The following AMPH variants were observed in gnomAD, a reference collection of about 807,000 sequenced individuals.
AMPH encodes the protein amphiphysin.
In AMPH, 49 loss-of-function variants were observed where a neutral mutation model predicts 99.1. The ratio of observed to expected loss-of-function variants is 0.49; its 90% CI spans 0.39 to 0.63. The LOEUF is 0.63. Among genes scored for constraint, AMPH ranks in the 20% least tolerant of loss-of-function variants. The pLI, the probability that AMPH is intolerant of heterozygous loss-of-function variation, is 0.00. For synonymous variants in AMPH, 314 were observed against 317.3 expected (o/e 0.99, Z 0.11); for missense variants, 759 against 863.4 (o/e 0.88, Z 1.52).
At chr7:38,409,171 A>G (rs1785143622) in intron 17 of AMPH, among the ~76,000 whole-genome samples, 2 of 152,202 alleles carry the variant, frequency 1.3e-5, no homozygotes, top group South Asian at 4.1e-4. Context: ...ACTCATGGGG[A>G]AAAGTAACAA....
rs139097138 is a variant in AMPH, at chr7:38,600,572, A to G, written c.69+30711T>C. 2.6e-3 allele frequency among the ~76,000 whole-genome samples: 390 copies of G among 152,304 alleles called. 1 individual carries two copies. Among genetic ancestry groups the G allele is most frequent in the African/African-American group, 9.1e-3 (379 of 41,572 alleles). ...AGATTATTACTTACTGATTGGCTAC[A>G]CTTTTATGTTGAACCATAGGAAAAT... is the stretch of plus-strand genomic sequence containing the variant. On this transcript the variant is annotated intron_variant, in intron 1 of 20. Transcript: ENST00000356264.
Position 38,485,538 on chromosome 7 carries a change from A to G in AMPH, c.396+5512T>C, listed in dbSNP as rs75142985. Among the ~76,000 whole-genome samples the G allele has an allele frequency of 1.9e-4, 29 of 152,134 alleles. No homozygotes were observed. In the East Asian group the frequency reaches 5.4e-3, roughly 28 times the overall value. ...ACCTTAATACCCCTCTTTCAATTATAGATAGAACCACAATTTCAATTACAA... is the reference window on the plus strand; with the variant it reads ...ACCTTAATACCCCTCTTTCAATTATGGATAGAACCACAATTTCAATTACAA... On this transcript the variant is annotated intron_variant, in intron 5 of 20. Coordinates refer to ENST00000356264, the MANE Select transcript of AMPH (RefSeq NM_001635.4).
At chr7:38,565,723 T>C (rs1173193834) in intron 1 of AMPH, among the ~76,000 whole-genome samples, 3 of 150,884 alleles carry the variant, frequency 2.0e-5, no homozygotes, top group African/African-American at 7.3e-5. Context: ...GGTGGGGAGG[T>C]CACAATTCCC....
chr7:38,422,272 A>G, intron 16 of AMPH, 149 bp downstream of exon 16: 1 of 664,676 alleles, frequency 1.5e-6, no homozygotes, highest in South Asian at 2.0e-5. Flanking sequence ...GAGGTTTTAC[A>G]GACACATTCT....
intron 1 of AMPH, among the ~76,000 whole-genome samples, chr7:38,546,782 G>A (rs1791010872): frequency 6.6e-6 from 1 of 152,220 alleles, no homozygotes; most frequent in African/African-American, 2.4e-5. Flanking sequence ...AGTAAAACGT[G>A]ATACTGGAAT....
chr7:38,456,494 T>G (rs1362724911), intron 11 of AMPH, among the ~76,000 whole-genome samples: 2 of 152,192 alleles, frequency 1.3e-5, no homozygotes. Flanking sequence ...CTACCACTGT[T>G]GGCACCTGAA....
At chr7:38,561,633 G>C (rs990415880) in intron 1 of AMPH, among the ~76,000 whole-genome samples, 3 of 152,172 alleles carry the variant, frequency 2.0e-5, no homozygotes, top group Non-Finnish European at 2.9e-5. Flanking sequence ...GATGAAGGAG[G>C]GTGCTGAGAA....
At chr7:38,582,974 T>C (rs1792519404) in intron 1 of AMPH, among the ~76,000 whole-genome samples, 1 of 152,236 alleles carries the variant, frequency 6.6e-6, no homozygotes, top group Non-Finnish European at 1.5e-5. Context: ...AGGGGAAATT[T>C]AGTTTAGAAT....
chr7:38,393,998 C>T lies in AMPH; in HGVS notation c.1608+7G>A, dbSNP rs777331746. The stretch of plus-strand genomic sequence containing the variant: ...GAGCTCCCCTGGCTGCGACATGGGA[C>T]ACTCACCTGAGGCACTGTTGCTTCG... On this transcript the variant is annotated splice_region_variant and intron_variant, in intron 18 of 20. Transcript: ENST00000356264. The T allele has an allele frequency of 6.2e-7, 1 of 1,614,186 alleles. No individual in the cohort carries two copies. Among genetic ancestry groups the T allele is most frequent in the South Asian group, 1.1e-5 (1 of 91,086 alleles).
chr7:38,594,269 G>A (rs143385286), intron 1 of AMPH, among the ~76,000 whole-genome samples: 257 of 152,252 alleles, frequency 1.7e-3, no homozygotes, highest in Middle Eastern at 6.8e-3. Context: ...AGGTTTCTGC[G>A]AGGTCCATAT....
At chr7:38,599,155 T>A (rs1432892752) in intron 1 of AMPH, among the ~76,000 whole-genome samples, 1 of 152,256 alleles carries the variant, frequency 6.6e-6, no homozygotes, top group Non-Finnish European at 1.5e-5. Flanking sequence ...CTTTGAGTTG[T>A]GGAGAGAATG....
chr7:38,408,440 A>G (rs768969583), intron 17 of AMPH, among the ~76,000 whole-genome samples: 1 of 152,210 alleles, frequency 6.6e-6, no homozygotes, highest in Non-Finnish European at 1.5e-5. Context: ...AAAAGATATC[A>G]AGAAGAGTTT....
At chr7:38,496,208 T>A (rs1788926840) in intron 3 of AMPH, among the ~76,000 whole-genome samples, 1 of 152,240 alleles carries the variant, frequency 6.6e-6, no homozygotes, top group African/African-American at 2.4e-5. Flanking sequence ...ACATTCTTGC[T>A]GGATTGGAGG....
At chr7:38,407,643 A>G (rs911576284) in intron 17 of AMPH, among the ~76,000 whole-genome samples, 1 of 152,178 alleles carries the variant, frequency 6.6e-6, no homozygotes, top group African/African-American at 2.4e-5. Context: ...AAAAAAATTC[A>G]AAAAATTAAA....
intron 1 of AMPH, among the ~76,000 whole-genome samples, chr7:38,595,973 C>A (rs2129059629): frequency 6.6e-6 from 1 of 152,258 alleles, no homozygotes; most frequent in Non-Finnish European, 1.5e-5. Context: ...TAATAGACAC[C>A]TGGATTGATT....
At chr7:38,429,615 A>C in intron 14 of AMPH, 1 of 1,445,080 alleles carries the variant, frequency 6.9e-7, no homozygotes, top group Non-Finnish European at 9.1e-7. Flanking sequence ...AAAAAAACAA[A>C]AACAAAAGAT....
At chr7:38,432,931 G>A (rs370645209) in intron 12 of AMPH, among the ~76,000 whole-genome samples, 44 of 152,310 alleles carry the variant, frequency 2.9e-4, no homozygotes, top group Middle Eastern at 3.4e-3. Context: ...AGTGAGGCCA[G>A]ATGGTTCAAA....
intron 1 of AMPH, among the ~76,000 whole-genome samples, chr7:38,569,617 A>AT (rs1400029775): frequency 2.6e-4 from 39 of 152,110 alleles, no homozygotes; most frequent in African/African-American, 8.4e-4. Context: ...ATATATATAT[A>AT]AAATGAAAAC....
chr7:38,512,592 C>A (rs879111889), intron 2 of AMPH, among the ~76,000 whole-genome samples: 1 of 152,066 alleles, frequency 6.6e-6, no homozygotes, highest in Non-Finnish European at 1.5e-5. Context: ...GCAACTAAAG[C>A]GGGTAACAGA....
Sources: gnomAD v4.1 joint callset for allele counts (sites outside exome capture counted in the v4.1 genomes callset) on GRCh38, gnomAD v4.1.1 for gene constraint, MANE v1.5 for transcripts, NCBI Gene and HGNC (gene_info 2026-07-23, HGNC 2026-07-21) for gene names.